The following CSMD1 variants were observed in gnomAD, a reference collection of about 807,000 sequenced individuals.
CSMD1 encodes the protein CUB and Sushi multiple domains 1, also known as CUB and sushi domain-containing protein 1.
Under a neutral mutation model 417.5 loss-of-function variants are expected in CSMD1, and 213 were observed. The ratio of observed to expected loss-of-function variants is 0.51; its 90% CI spans 0.46 to 0.57. The LOEUF is 0.57. CSMD1 is among the 20% of genes least tolerant of loss of function. CSMD1 has a pLI of 0.00. For synonymous variants in CSMD1, 2,862 were observed against 1,736.8 expected, an observed-to-expected ratio of 1.65 and a Z score of -16.11; for missense variants, 6,923 against 4,529.7, an observed-to-expected ratio of 1.53 and a Z score of -15.17.
At chr8:3,993,346 C>T (rs952092484) in intron 5 of CSMD1, among the ~76,000 whole-genome samples, 5 of 152,150 alleles carry the variant, frequency 3.3e-5, no homozygotes, top group African/African-American at 1.2e-4. Context: ...CAGCATGTTC[C>T]TCTATAATTC....
At chr8:3,973,358 A>T (rs1585058195) in intron 5 of CSMD1, among the ~76,000 whole-genome samples, 1 of 152,206 alleles carries the variant, frequency 6.6e-6, no homozygotes, top group South Asian at 2.1e-4. Context: ...AAGATTTTCA[A>T]AAGAATATTT....
intron 50 of CSMD1, among the ~76,000 whole-genome samples, chr8:3,039,751 T>A (rs6995782): frequency 0.076 from 11,636 of 152,126 alleles, 1,480 homozygotes; most frequent in African/African-American, 0.26. Context: ...CTATAGCAAC[T>A]TGAGTTACAG....
chr8:4,269,918 G>T (rs1292103032), intron 3 of CSMD1, among the ~76,000 whole-genome samples: 1 of 152,176 alleles, frequency 6.6e-6, no homozygotes, highest in African/African-American at 2.4e-5. Context: ...GATGGAGGAA[G>T]AAGGGCGTTC....
intron 5 of CSMD1, among the ~76,000 whole-genome samples, chr8:3,986,392 C>T (rs1021672156): frequency 6.6e-5 from 10 of 152,108 alleles, no homozygotes; most frequent in Non-Finnish European, 1.3e-4. Flanking sequence ...TAACCACAGG[C>T]CCTGGACATT....
chr8:4,471,409 G>A (rs959869802), intron 2 of CSMD1, among the ~76,000 whole-genome samples: 17 of 152,180 alleles, frequency 1.1e-4, no homozygotes, highest in African/African-American at 3.6e-4. Flanking sequence ...TTCCTATACA[G>A]GTAGATTACC....
At chr8:4,952,844 G>A (rs980061907) in intron 1 of CSMD1, among the ~76,000 whole-genome samples, 3 of 152,080 alleles carry the variant, frequency 2.0e-5, no homozygotes, top group Non-Finnish European at 4.4e-5. Context: ...CTGACTATAT[G>A]CAGGTAAGCT....
At chr8:4,036,956 GGTGTGTGT>G (rs57139782) in intron 3 of CSMD1, among the ~76,000 whole-genome samples, 47,135 of 145,814 alleles carry the variant, frequency 0.32, 7,937 homozygotes, top group African/African-American at 0.42. Flanking sequence ...GTGAGTGTGG[GGTGTGTGT>G]GTGTGTGTGT....
intron 2 of CSMD1, among the ~76,000 whole-genome samples, chr8:4,634,186 G>C (rs567305804): frequency 6.6e-6 from 1 of 152,042 alleles, no homozygotes; most frequent in Non-Finnish European, 1.5e-5. Context: ...TATTGTTGGT[G>C]TGTTTGTACT....
At chr8:4,327,418 C>T (rs1466224550) in intron 3 of CSMD1, among the ~76,000 whole-genome samples, 2 of 152,248 alleles carry the variant, frequency 1.3e-5, no homozygotes, top group South Asian at 2.1e-4. Context: ...AATTGCAGAA[C>T]ACTGGCACAA....
At chr8:4,676,932 G>A (rs1018346142) in intron 1 of CSMD1, among the ~76,000 whole-genome samples, 17 of 145,938 alleles carry the variant, frequency 1.2e-4, no homozygotes, top group East Asian at 4.0e-4. Context: ...AGAGAGAGAT[G>A]ATATATATAG....
chr8:4,130,151 T>C (rs55685349), intron 3 of CSMD1, among the ~76,000 whole-genome samples: 17,329 of 152,164 alleles, frequency 0.11, 1,250 homozygotes, highest in South Asian at 0.29. Flanking sequence ...CTTATTTTAC[T>C]GAAAAAGACC....
At chr8:4,950,770 C>T (rs560929210) in intron 1 of CSMD1, among the ~76,000 whole-genome samples, 9 of 152,174 alleles carry the variant, frequency 5.9e-5, no homozygotes, top group Middle Eastern at 3.4e-3. Context: ...AGTGGCAGCA[C>T]GCTAAGTCAG....
chr8:3,152,268 T>C (rs1819243057), intron 39 of CSMD1, among the ~76,000 whole-genome samples: 2 of 152,218 alleles, frequency 1.3e-5, no homozygotes, highest in Admixed American at 1.3e-4. Flanking sequence ...ACACAACTGA[T>C]TTTACAACAA....
intron 3 of CSMD1, among the ~76,000 whole-genome samples, chr8:4,116,208 G>A (rs983011808): frequency 1.3e-5 from 2 of 151,922 alleles, no homozygotes; most frequent in Non-Finnish European, 2.9e-5. Flanking sequence ...TGGCCAGGCT[G>A]GTCCTGAACT....
chr8:3,521,767 C>G (rs1270058827), intron 10 of CSMD1, among the ~76,000 whole-genome samples: 1 of 152,094 alleles, frequency 6.6e-6, no homozygotes, highest in African/African-American at 2.4e-5. Flanking sequence ...ATTGTATTCC[C>G]AGAACAAAAT....
In CSMD1 at chr8:3,445,893, T is replaced by C. The variant is rs141676245; in HGVS notation, c.1561+22819A>G. Reference sequence around the variant, plus strand: ...TTATAGAAATAGCAAAAGCGTAAAATTGAGATCTATCATCTTGACTCCAAA... The same window carrying C: ...TTATAGAAATAGCAAAAGCGTAAAACTGAGATCTATCATCTTGACTCCAAA... On this transcript the variant is annotated intron_variant, in intron 12 of 69. Coordinates refer to ENST00000635120, the MANE Select transcript of CSMD1 (RefSeq NM_033225.6). Among the ~76,000 whole-genome samples the C allele has an allele frequency of 7.6e-3, 1,155 of 152,222 alleles. 16 individuals carry two copies. The highest frequency in any genetic ancestry group is 0.026 in the African/African-American group (1,062 of 41,534).
intron 7 of CSMD1, among the ~76,000 whole-genome samples, chr8:3,629,678 A>G (rs1191842274): frequency 1.3e-5 from 2 of 152,176 alleles, no homozygotes; most frequent in East Asian, 3.9e-4. Context: ...TTTATAAGAG[A>G]TTACGGAGAT....
intron 6 of CSMD1, among the ~76,000 whole-genome samples, chr8:3,744,657 T>C (rs1796979905): frequency 6.6e-6 from 1 of 152,212 alleles, no homozygotes; most frequent in Non-Finnish European, 1.5e-5. Flanking sequence ...GCACATGCTA[T>C]TTACAAGCGA....
At chr8:3,174,081 G>A (rs1432708927) in intron 37 of CSMD1, among the ~76,000 whole-genome samples, 1 of 152,152 alleles carries the variant, frequency 6.6e-6, no homozygotes, top group Non-Finnish European at 1.5e-5. Context: ...TATTTTAATG[G>A]CACATTCATA....
Sources: gnomAD v4.1 joint callset for allele counts (sites outside exome capture counted in the v4.1 genomes callset) on GRCh38, gnomAD v4.1.1 for gene constraint, MANE v1.5 for transcripts, NCBI Gene and HGNC (gene_info 2026-07-23, HGNC 2026-07-21) for gene names.